Variants in SLC38A1 observed in about 807,000 individuals in gnomAD.
SLC38A1 encodes the protein sodium-coupled neutral amino acid symporter 1.
Under a neutral mutation model 60.3 loss-of-function variants are expected in SLC38A1, and 18 were observed. That is an observed-to-expected ratio of 0.30 (90% CI 0.21 to 0.44). The LOEUF (loss-of-function observed/expected upper bound fraction) is 0.44. SLC38A1 is among the 20% of genes least tolerant of loss of function. The pLI is 1.00. For synonymous variants in SLC38A1, 196 were observed against 212.1 expected (o/e 0.92, Z 0.66); for missense variants, 448 against 587.2 (o/e 0.76, Z 2.45).
intron 7 of SLC38A1, 27 bp downstream of exon 7, chr12:46,207,502 A>T: frequency 6.3e-7 from 1 of 1,592,804 alleles, no homozygotes; most frequent in Non-Finnish European, 8.6e-7. Flanking sequence ...GTTTCAAGTT[A>T]TGTAAAGAAA....
chr12:46,240,292 G>C (rs1189765633), intron 2 of SLC38A1, among the ~76,000 whole-genome samples: 1 of 152,148 alleles, frequency 6.6e-6, no homozygotes, highest in African/African-American at 2.4e-5. Flanking sequence ...TGCTTCCCTG[G>C]TTCAAGCGAT....
At position 46,185,605 on chromosome 12, in the gene SLC38A1, A is replaced by G. The variant is rs3497; in HGVS notation, c.*3365T>C. 0.83 allele frequency: 126,116 copies of G among 151,942 alleles called. 52,676 individuals are homozygous for G. The highest frequency in any genetic ancestry group is 0.92 in the African/African-American group (38,118 of 41,388). 9.4% of individuals were successfully genotyped at this position (151,942 alleles called of 1,614,324 possible). ...CAATGACTGGTACATTGGAGAAGCTATGCAGCAGCATCCTTTTCTGTGGTG... is the reference window on the plus strand; with the variant it reads ...CAATGACTGGTACATTGGAGAAGCTGTGCAGCAGCATCCTTTTCTGTGGTG... On this transcript the variant is annotated 3_prime_UTR_variant, in exon 17 of 17. Coordinates refer to ENST00000398637, the MANE Select transcript of SLC38A1 (RefSeq NM_030674.4).
At position 46,187,695 on chromosome 12, in the gene SLC38A1, A is replaced by C. The variant is rs1938983976; in HGVS notation, c.*1275T>G. ...GAAGAGAAGAGGAGACAGCACAGAC[A>C]CTGAGACCCCCTTGTCTTCCTCATC... On this transcript the variant is annotated 3_prime_UTR_variant, in exon 17 of 17. Transcript: ENST00000398637. The C allele has an allele frequency of 6.6e-6, 1 of 151,734 alleles. No individual in the cohort carries two copies. Among genetic ancestry groups the C allele is most frequent in the Non-Finnish European group, 1.5e-5 (1 of 67,992 alleles). The allele number at this position is 151,734 out of a possible 1,614,324, so 9.4% of individuals were successfully genotyped here.
At chr12:46,211,315 G>C (rs183430096) in intron 5 of SLC38A1, among the ~76,000 whole-genome samples, 43 of 152,142 alleles carry the variant, frequency 2.8e-4, no homozygotes, top group Non-Finnish European at 4.1e-4. Flanking sequence ...TACTCTGCTA[G>C]GACCAAAGGG....
intron 5 of SLC38A1, among the ~76,000 whole-genome samples, chr12:46,227,753 G>C (rs1454078682): frequency 6.6e-6 from 1 of 152,144 alleles, no homozygotes; most frequent in Non-Finnish European, 1.5e-5. Context: ...AGGTTGGCCT[G>C]GTTCTGAAAT....
intron 1 of SLC38A1, chr12:46,267,615 A>T (rs947915828): frequency 3.9e-5 from 6 of 152,230 alleles, no homozygotes; most frequent in Non-Finnish European, 7.3e-5. Flanking sequence ...GGAGGTGGAT[A>T]ATTTAGGGGG....
Position 46,209,250 on chromosome 12 carries a change from T to G in SLC38A1, c.315-123A>C. 3 of 598,542 alleles carry G rather than the reference T, an allele frequency of 5.0e-6. No homozygotes were observed. In the South Asian group the frequency reaches 7.3e-5, roughly 15 times the overall value. The allele number at this position is 598,542 out of a possible 1,614,324, so 37.1% of individuals were successfully genotyped here. A position where few individuals can be genotyped will look rare whatever the true frequency, so the allele number is the denominator to read the frequency against. On this transcript the variant is annotated intron_variant, in intron 5 of 16. Coordinates refer to ENST00000398637, the MANE Select transcript of SLC38A1 (RefSeq NM_030674.4). ...CTATTTGTTAATAGTATCCAAATTT[T>G]GGAACCTATTAGTCATCCCTGCTTT...
intron 16 of SLC38A1, chr12:46,196,227 C>T (rs984192180): frequency 2.1e-5 from 32 of 1,535,934 alleles, no homozygotes; most frequent in African/African-American, 2.7e-5. Context: ...AAGGATGATG[C>T]ATTCTGAGAG....
intron 1 of SLC38A1, among the ~76,000 whole-genome samples, chr12:46,257,644 G>T (rs1942074534): frequency 6.6e-6 from 1 of 151,948 alleles, no homozygotes; most frequent in African/African-American, 2.4e-5. Context: ...TGAGTTGGGG[G>T]TTTCCTCACT....
chr12:46,197,636 C>T, intron 16 of SLC38A1, 84 bp downstream of exon 16: 1 of 897,418 alleles, frequency 1.1e-6, no homozygotes, highest in Non-Finnish European at 1.8e-6. Context: ...TGAAAGTAGT[C>T]TTGATAGAGA....
Position 46,268,775 on chromosome 12 carries a change from C to A in SLC38A1, c.-458G>T. The A allele has an allele frequency of 2.9e-6, 1 of 346,918 alleles. No homozygotes were observed. The highest frequency in any genetic ancestry group is 6.3e-6 in the Non-Finnish European group (1 of 157,702). 21.5% of individuals were successfully genotyped at this position (346,918 alleles called of 1,614,324 possible). A position where few individuals can be genotyped will look rare whatever the true frequency, so the allele number is the denominator to read the frequency against. On this transcript the variant is annotated 5_prime_UTR_variant, in exon 1 of 17. In the 5' UTR this introduces an upstream ATG that the reference lacks. Transcript: ENST00000398637. The surrounding 1 kb of genome is among the most constrained non-coding windows in gnomAD (Gnocchi z 4.4). ...CGTGGCCGCCCCAGTCCGCGCTCGCCTGGCTCTCCTCCTTTCCGGGCCGAT... is the reference window on the plus strand; with the variant it reads ...CGTGGCCGCCCCAGTCCGCGCTCGCATGGCTCTCCTCCTTTCCGGGCCGAT...
chr12:46,234,446 C>CTTTCT (rs780010344), intron 3 of SLC38A1, among the ~76,000 whole-genome samples: 65 of 140,716 alleles, frequency 4.6e-4, no homozygotes, highest in African/African-American at 1.6e-3. Context: ...TTCTTTCTTT[C>CTTTCT]TTTTTTTTTT....
intron 5 of SLC38A1, among the ~76,000 whole-genome samples, chr12:46,215,671 A>G (rs1231453742): frequency 6.6e-6 from 1 of 151,978 alleles, no homozygotes; most frequent in African/African-American, 2.4e-5. Context: ...AGCATTATTT[A>G]CTTCAGCAGG....
chr12:46,262,559 C>A (rs913009496), intron 1 of SLC38A1, among the ~76,000 whole-genome samples: 1 of 152,148 alleles, frequency 6.6e-6, no homozygotes, highest in South Asian at 2.1e-4. Context: ...TGAGAAAAAT[C>A]TCTTTATTTG....
At chr12:46,195,911 G>T in intron 16 of SLC38A1, 1 of 399,202 alleles carries the variant, frequency 2.5e-6, no homozygotes, top group Admixed American at 3.6e-5. Flanking sequence ...TGCTTCCTGG[G>T]TGAGGTGACG....
rs1397654282 is a variant in SLC38A1, at chr12:46,188,976, G to A, written c.1458C>T (p.Gly486=). ...TTCTTTTTCTCGGCGGGTTTCAGTGGCCTTCGTCACTACTCGATGAGCAGG... is the reference window on the plus strand; with the variant it reads ...TTCTTTTTCTCGGCGGGTTTCAGTGACCTTCGTCACTACTCGATGAGCAGG... ...DWACSSSSDE[G]H The change falls in exon 17 of 17, where the codon GGC becomes GGT. Residue 486 remains glycine (G), a synonymous_variant. Coordinates refer to ENST00000398637, the MANE Select transcript of SLC38A1 (RefSeq NM_030674.4). 6.2e-7 allele frequency: 1 copy of A among 1,612,854 alleles called. No homozygotes were observed. Among genetic ancestry groups the A allele is most frequent in the East Asian group, 2.2e-5 (1 of 44,850 alleles).
chr12:46,240,196 GTGT>G (rs1218716872), intron 2 of SLC38A1, among the ~76,000 whole-genome samples: 2 of 152,126 alleles, frequency 1.3e-5, no homozygotes, highest in Admixed American at 6.5e-5. Flanking sequence ...ATATGAAGCA[GTGT>G]TGTTGTTGTT....
At chr12:46,239,581 G>T (rs1252926259) in intron 3 of SLC38A1, 98 bp downstream of exon 3, 9 of 1,357,142 alleles carry the variant, frequency 6.6e-6, no homozygotes, top group Admixed American at 3.5e-5. Context: ...GACCTCAAAT[G>T]ATCCACCCAC....
At chr12:46,259,855 C>T (rs1942145083) in intron 1 of SLC38A1, among the ~76,000 whole-genome samples, 1 of 152,134 alleles carries the variant, frequency 6.6e-6, no homozygotes, top group African/African-American at 2.4e-5. Flanking sequence ...TGTCTAGAAC[C>T]TTGAACTATC....
Sources: allele counts gnomAD v4.1 joint callset (sites outside exome capture counted in the v4.1 genomes callset), GRCh38; gene constraint gnomAD v4.1.1; non-coding constraint Gnocchi (gnomAD v3.1); transcripts MANE v1.5; gene names NCBI Gene and HGNC (gene_info 2026-07-23, HGNC 2026-07-21).